ADIPOQ: variants seen among roughly 807,000 people sequenced by gnomAD.
ADIPOQ encodes adiponectin, C1Q and collagen domain containing.
Under a neutral mutation model 16.1 loss-of-function variants are expected in ADIPOQ, and 19 were observed. The observed-to-expected ratio is 1.18, with a 90% confidence interval of 0.82 to 1.73. The LOEUF is 1.73. ADIPOQ is among the 40% of genes most tolerant of loss of function. ADIPOQ has a pLI of 0.00. For missense variants in ADIPOQ, 323 were observed against 308.3 expected, an observed-to-expected ratio of 1.05 and a Z score of -0.36; for synonymous variants, 124 against 125.5, an observed-to-expected ratio of 0.99 and a Z score of 0.08.
chr3:186,854,242 C>A lies in ADIPOQ; in HGVS notation c.273C>A (p.Pro91=), dbSNP rs201912491. 2.8e-5 allele frequency: 45 copies of A among 1,613,454 alleles called. No homozygotes were observed. In the Middle Eastern group the frequency reaches 6.6e-4, roughly 24 times the overall value. ...GETGVPGAEG[P]RGFPGIQGRK... ...CCGGAGTACCCGGGGCTGAAGGTCC[C>A]CGAGGCTTTCCGGGAATCCAAGGCA... Residue 91 remains proline (P), a synonymous_variant, in exon 3 of 3, where the codon CCC becomes CCA. Coordinates refer to ENST00000320741, the MANE Select transcript of ADIPOQ (RefSeq NM_004797.4).
rs142470854 is a variant in ADIPOQ at position 186,853,779 on chromosome 3, G to A, written c.215-405G>A. The stretch of plus-strand genomic sequence containing the variant: ...GGAGCATAGAGAAAATATACTCACC[G>A]TGGACCTGATGAAGAATGAAGGCTT... On this transcript the variant is annotated intron_variant, in intron 2 of 2. Transcript: ENST00000320741. The A allele has an allele frequency of 3.3e-3, 765 of 228,384 alleles. 2 individuals are homozygous for A. Among genetic ancestry groups the A allele is most frequent in the African/African-American group, 0.014 (619 of 43,574 alleles). 14.1% of individuals were successfully genotyped at this position (228,384 alleles called of 1,614,324 possible). A position where few individuals can be genotyped will look rare whatever the true frequency, so the allele number is the denominator to read the frequency against.
At chr3:186,844,727 G>A (rs1167205675) in intron 1 of ADIPOQ, among the ~76,000 whole-genome samples, 1 of 151,874 alleles carries the variant, frequency 6.6e-6, no homozygotes, top group African/African-American at 2.4e-5. Flanking sequence ...AAAATTTTTT[G>A]TAGAGATGAG....
At chr3:186,851,422 C>T (rs531016749) in intron 1 of ADIPOQ, among the ~76,000 whole-genome samples, 2 of 152,160 alleles carry the variant, frequency 1.3e-5, no homozygotes, top group East Asian at 1.9e-4. Context: ...CTAAGATCCC[C>T]CTAAGATCGG....
chr3:186,851,244 C>T (rs370897503), intron 1 of ADIPOQ, among the ~76,000 whole-genome samples: 17 of 152,172 alleles, frequency 1.1e-4, no homozygotes, highest in African/African-American at 3.9e-4. Context: ...ACATGGACTA[C>T]ACTTTGTTTA....
At chr3:186,846,926 G>A (rs1711595188) in intron 1 of ADIPOQ, among the ~76,000 whole-genome samples, 1 of 152,166 alleles carries the variant, frequency 6.6e-6, no homozygotes, top group Admixed American at 6.5e-5. Flanking sequence ...CAGGATGTGT[G>A]ACCACGATAC....
chr3:186,843,681 GAAAAGA>G (rs1711509390), intron 1 of ADIPOQ, among the ~76,000 whole-genome samples: 1 of 145,110 alleles, frequency 6.9e-6, no homozygotes, highest in Admixed American at 6.9e-5. Flanking sequence ...AAAAAAGAAA[GAAAAGA>G]AAAAGAGGCT....
At chr3:186,844,305 G>A (rs573066135) in intron 1 of ADIPOQ, among the ~76,000 whole-genome samples, 42 of 152,014 alleles carry the variant, frequency 2.8e-4, no homozygotes, top group African/African-American at 9.6e-4. Context: ...GCGCCACCAC[G>A]CCCAGCTAAT....
chr3:186,848,823 C>T (rs1711656368), intron 1 of ADIPOQ, among the ~76,000 whole-genome samples: 1 of 152,060 alleles, frequency 6.6e-6, no homozygotes, highest in Non-Finnish European at 1.5e-5. Flanking sequence ...TTTGCACTGA[C>T]CTTCAATTGT....
rs201392172 is a variant in ADIPOQ, at chr3:186,853,159, G to T, written c.101G>T (p.Gly34Val). 2.0e-5 allele frequency: 32 copies of T among 1,614,088 alleles called. No individual in the cohort carries two copies. Among genetic ancestry groups the T allele is most frequent in the Non-Finnish European group, 2.6e-5 (31 of 1,180,028 alleles). ...GGAGTCCTGCTTCCCCTGCCCAAGG[G>T]GGCCTGCACAGGTTGGATGGCGGGC... is the stretch of plus-strand genomic sequence containing the variant. ...GPGVLLPLPK[G>V]ACTGWMAGIP... is the part of the protein sequence containing the mutation. Residue 34 changes from glycine to valine, a missense_variant, in exon 2 of 3, where the codon GGG (glycine) becomes GTG (valine). Physicochemically the swap from Gly to Val is moderately radical, Grantham distance 109 (BLOSUM62 -3). Transcript: ENST00000320741.
chr3:186,846,138 C>T (rs1711571071), intron 1 of ADIPOQ, among the ~76,000 whole-genome samples: 1 of 152,116 alleles, frequency 6.6e-6, no homozygotes, highest in Non-Finnish European at 1.5e-5. Flanking sequence ...CTATAAGGTT[C>T]TAATAAGTGC....
At chr3:186,852,472 TTC>T (rs1271380457) in intron 1 of ADIPOQ, 1 of 154,674 alleles carries the variant, frequency 6.5e-6, no homozygotes, top group East Asian at 1.9e-4. Context: ...CTCTCTCTTT[TTC>T]TCTGTGTGTG....
At chr3:186,852,221 T>G (rs1431147621) in intron 1 of ADIPOQ, 1 of 152,286 alleles carries the variant, frequency 6.6e-6, no homozygotes, top group Non-Finnish European at 1.5e-5. Context: ...CCAAACCATA[T>G]TACCAGGGCA....
Position 186,857,520 on chromosome 3 carries a change from G to A in ADIPOQ, c.*2816G>A, listed in dbSNP as rs1712051509. The A allele has an allele frequency of 6.6e-6, 1 of 152,122 alleles. No homozygotes were observed. The highest frequency in any genetic ancestry group is 2.4e-5 in the African/African-American group (1 of 41,416). 9.4% of individuals were successfully genotyped at this position (152,122 alleles called of 1,614,324 possible). A position where few individuals can be genotyped will look rare whatever the true frequency, so the allele number is the denominator to read the frequency against. On this transcript the variant is annotated 3_prime_UTR_variant, in exon 3 of 3. Coordinates refer to ENST00000320741, the MANE Select transcript of ADIPOQ (RefSeq NM_004797.4). ...CACAGTCTCACATCTGGTTGGGGTG[G>A]GCTCCTTACAGAACACGCTTTCACA...
chr3:186,850,446 T>C (rs1183487538), intron 1 of ADIPOQ, among the ~76,000 whole-genome samples: 2 of 152,104 alleles, frequency 1.3e-5, no homozygotes, highest in Non-Finnish European at 2.9e-5. Context: ...GTATAACATA[T>C]GCTGCCATGT....
Position 186,846,179 on chromosome 3 carries a change from T to C in ADIPOQ, c.-9+3430T>C, listed in dbSNP as rs1025654586. On this transcript the variant is annotated intron_variant, in intron 1 of 2. Coordinates refer to ENST00000320741, the MANE Select transcript of ADIPOQ (RefSeq NM_004797.4). Reference sequence around the variant, plus strand: ...TACTCCTTCCCCTCAGCCTTCCCATTTGTAAAAGCAAGGCAGGGGTGAGGT... The same window carrying C: ...TACTCCTTCCCCTCAGCCTTCCCATCTGTAAAAGCAAGGCAGGGGTGAGGT... Among the ~76,000 whole-genome samples, 5 of 152,176 alleles carry C rather than the reference T, an allele frequency of 3.3e-5. No individual in the cohort carries two copies. In the South Asian group the frequency reaches 1.0e-3, roughly 32 times the overall value.
At chr3:186,846,437 T>C (rs549216390) in intron 1 of ADIPOQ, among the ~76,000 whole-genome samples, 33 of 152,250 alleles carry the variant, frequency 2.2e-4, no homozygotes, top group Middle Eastern at 3.4e-3. Context: ...TTTTGCCATA[T>C]TGGCCAGGCT....
Position 186,853,222 on chromosome 3 carries a change from G to A in ADIPOQ, c.164G>A (p.Arg55His), listed in dbSNP as rs143606172. 125 of 1,613,356 alleles carry A rather than the reference G, an allele frequency of 7.7e-5. No homozygotes were observed. Among genetic ancestry groups the A allele is most frequent in the Middle Eastern group, 4.9e-4 (3 of 6,084 alleles). Residue 55 changes from arginine to histidine, a missense_variant, in exon 2 of 3, where the codon CGT becomes CAT. By Grantham distance (29) the Arg-to-His change is conservative. Coordinates refer to ENST00000320741, the MANE Select transcript of ADIPOQ (RefSeq NM_004797.4). ...GHPGHNGAPG[R>H]DGRDGTPGEK... Reference sequence around the variant, plus strand: ...CCGGGCCATAATGGGGCCCCAGGCCGTGATGGCAGAGATGGCACCCCTGGT... The same window carrying A: ...CCGGGCCATAATGGGGCCCCAGGCCATGATGGCAGAGATGGCACCCCTGGT...
intron 1 of ADIPOQ, among the ~76,000 whole-genome samples, chr3:186,847,577 T>TA (rs910665872): frequency 6.6e-6 from 1 of 152,212 alleles, no homozygotes; most frequent in African/African-American, 2.4e-5. Context: ...CATTTTTTTT[T>TA]ATGACACTTC....
rs1404976432 is a variant in ADIPOQ, at chr3:186,856,456, G to A, written c.*1752G>A. 6.6e-6 allele frequency: 1 copy of A among 152,024 alleles called. No individual in the cohort carries two copies. The highest frequency in any genetic ancestry group is 2.4e-5 in the African/African-American group (1 of 41,378). The allele number at this position is 152,024 out of a possible 1,614,324, so 9.4% of individuals were successfully genotyped here. A position where few individuals can be genotyped will look rare whatever the true frequency, so the allele number is the denominator to read the frequency against. ...ACATATAAAGCTTTGTCTTTTTGTTGTTGTTGTTGTTTTTAAGATGGAGTT... is the reference window on the plus strand; with the variant it reads ...ACATATAAAGCTTTGTCTTTTTGTTATTGTTGTTGTTTTTAAGATGGAGTT... On this transcript the variant is annotated 3_prime_UTR_variant, in exon 3 of 3. Coordinates refer to ENST00000320741, the MANE Select transcript of ADIPOQ (RefSeq NM_004797.4).
Sources: allele counts gnomAD v4.1 joint callset (sites outside exome capture counted in the v4.1 genomes callset), GRCh38; gene constraint gnomAD v4.1.1; transcripts MANE v1.5; gene names NCBI Gene and HGNC (gene_info 2026-07-23, HGNC 2026-07-21).